Variants in NR4A1 observed in about 807,000 individuals in gnomAD.
NR4A1 encodes nuclear receptor subfamily 4 group A member 1.
In NR4A1, 24 loss-of-function variants were observed where a neutral mutation model predicts 47.5. The ratio of observed to expected loss-of-function variants is 0.50; its 90% CI spans 0.37 to 0.71. The LOEUF (loss-of-function observed/expected upper bound fraction) is 0.71, where lower values mean the gene tolerates loss of function less well. NR4A1 is among the 30% of genes least tolerant of loss of function. The pLI is 0.00. For synonymous variants in NR4A1, 353 were observed against 345.7 expected, an observed-to-expected ratio of 1.02 and a Z score of -0.24; for missense variants, 669 against 788.6, an observed-to-expected ratio of 0.85 and a Z score of 1.82.
At chr12:52,033,254 C>T (rs1174331997) in intron 1 of NR4A1, among the ~76,000 whole-genome samples, 2 of 152,108 alleles carry the variant, frequency 1.3e-5, no homozygotes, top group African/African-American at 4.8e-5. Context: ...CGGTCGCGGG[C>T]CCCTCAGGGA....
chr12:52,053,597 C>G (rs1257744714), intron 1 of NR4A1: 1 of 121,024 alleles, frequency 8.3e-6, no homozygotes, highest in Admixed American at 7.6e-5. Context: ...TTCCCTTCCT[C>G]TTTGCTTCTG....
chr12:52,038,587 AGTG>A, intron 1 of NR4A1: 1 of 647,646 alleles, frequency 1.5e-6, no homozygotes, highest in East Asian at 2.8e-5. Flanking sequence ...TTGGGGCCCT[AGTG>A]GTGGGGCTAC....
chr12:52,034,121 C>CATA (rs1938188018), intron 1 of NR4A1, among the ~76,000 whole-genome samples: 1 of 152,186 alleles, frequency 6.6e-6, no homozygotes, highest in African/African-American at 2.4e-5. Context: ...CCCTGCCCTG[C>CATA]CGCATACCTA....
At chr12:52,035,264 T>C (rs1389516963) in intron 1 of NR4A1, among the ~76,000 whole-genome samples, 1 of 152,228 alleles carries the variant, frequency 6.6e-6, no homozygotes, top group Non-Finnish European at 1.5e-5. Flanking sequence ...TTCCACATTT[T>C]AGAATATGTT....
intron 1 of NR4A1, among the ~76,000 whole-genome samples, chr12:52,023,383 T>G (rs1162203636): frequency 6.6e-6 from 1 of 151,740 alleles, no homozygotes; most frequent in Non-Finnish European, 1.5e-5. Context: ...GCGAGTGGGG[T>G]GGGAGCGCAG....
At chr12:52,041,678 C>A in intron 1 of NR4A1, 1 of 1,038,914 alleles carries the variant, frequency 9.6e-7, no homozygotes, top group Non-Finnish European at 1.2e-6. Flanking sequence ...GGTCCTTGGG[C>A]GCTGGCTTGT....
chr12:52,045,516 A>G, intron 2 of NR4A1: 1 of 452,914 alleles, frequency 2.2e-6, no homozygotes, highest in Non-Finnish European at 4.4e-6. Flanking sequence ...GGCCCCAGGC[A>G]GTGCTACATT....
At chr12:52,044,427 G>C (rs1938553497) in intron 2 of NR4A1, among the ~76,000 whole-genome samples, 1 of 152,168 alleles carries the variant, frequency 6.6e-6, no homozygotes, top group African/African-American at 2.4e-5. Context: ...GAGAGGTCTG[G>C]CAAGTCCGCC....
intron 1 of NR4A1, among the ~76,000 whole-genome samples, chr12:52,035,824 G>A (rs571112452): frequency 2.4e-4 from 37 of 152,216 alleles, no homozygotes; most frequent in Middle Eastern, 3.4e-3. Context: ...GCAGTGGGGT[G>A]GAGAGAGGAA....
At chr12:52,037,743 C>T (rs1449189278) in intron 1 of NR4A1, 1 of 985,390 alleles carries the variant, frequency 1.0e-6, no homozygotes, top group African/African-American at 1.7e-5. Flanking sequence ...GAACCGGTTC[C>T]AGGAGCGCGG....
At chr12:52,035,222 C>T (rs1017587691) in intron 1 of NR4A1, among the ~76,000 whole-genome samples, 1 of 152,194 alleles carries the variant, frequency 6.6e-6, no homozygotes, top group Admixed American at 6.5e-5. Flanking sequence ...ACGCCGCCTC[C>T]ACATGCCACC....
chr12:52,037,992 T>G, intron 1 of NR4A1: 1 of 984,632 alleles, frequency 1.0e-6, no homozygotes, highest in South Asian at 4.7e-5. Context: ...TTTCCAGACC[T>G]CCTCCATGGT....
chr12:52,057,268 CACTG>C lies in NR4A1; in HGVS notation c.1361+14_1361+17del. 6.2e-7 allele frequency: 1 copy of C among 1,613,378 alleles called. No homozygotes were observed. Among genetic ancestry groups the C allele is most frequent in the Non-Finnish European group, 8.5e-7 (1 of 1,179,702 alleles). On this transcript the variant is annotated intron_variant, in intron 5 of 6. Coordinates refer to ENST00000394825, the MANE Select transcript of NR4A1 (RefSeq NM_173157.3). ...CTCCGCCTGGCGTACAGGTGAGAGC[CACTG>C]ACTGTCTGCCCAGCCCCTTTCCCTG...
chr12:52,028,567 C>T (rs1470110149), intron 1 of NR4A1, among the ~76,000 whole-genome samples: 2 of 151,222 alleles, frequency 1.3e-5, no homozygotes, highest in African/African-American at 4.9e-5. Context: ...AGCAAGACTC[C>T]GTCTCAAACA....
intron 4 of NR4A1, 125 bp from the exon 5 acceptor site, chr12:52,056,932 C>T: frequency 3.1e-6 from 3 of 968,940 alleles, no homozygotes; most frequent in Non-Finnish European, 3.0e-6. Flanking sequence ...AAGTGAGAGC[C>T]TGGGCAGGAT....
chr12:52,042,023 A>C, intron 2 of NR4A1: 37 of 1,049,526 alleles, frequency 3.5e-5, no homozygotes, highest in East Asian at 7.6e-5. Flanking sequence ...GGATGTGGTT[A>C]GGGGGATGGA....
At chr12:52,030,527 C>T (rs146049158) in intron 1 of NR4A1, among the ~76,000 whole-genome samples, 54 of 152,336 alleles carry the variant, frequency 3.5e-4, no homozygotes, top group African/African-American at 1.2e-3. Flanking sequence ...CTCTCAGGTT[C>T]AAGTGGTTCT....
chr12:52,023,752 T>C (rs1182956797), intron 1 of NR4A1, among the ~76,000 whole-genome samples: 7 of 151,816 alleles, frequency 4.6e-5, no homozygotes, highest in Non-Finnish European at 8.8e-5. Flanking sequence ...CTCATCCCCA[T>C]GGCCTCGAAC....
Position 52,057,098 on chromosome 12 carries a change from T to C in NR4A1, c.1200T>C (p.Ala400=). The C allele has an allele frequency of 6.2e-7, 1 of 1,612,070 alleles. No individual in the cohort carries two copies. The highest frequency in any genetic ancestry group is 1.3e-5 in the African/African-American group (1 of 75,008). Residue 400 remains alanine (A), a synonymous_variant, in exon 5 of 7, where the codon GCT becomes GCC. Transcript: ENST00000394825. ...TGCCCCACTTTGGGAAGGAAGATGC[T>C]GGGGATGTACAGCAGTTCTACGACC... ...LVLPHFGKED[A]GDVQQFYDLL...
Sources: gnomAD v4.1 joint callset for allele counts (sites outside exome capture counted in the v4.1 genomes callset) on GRCh38, gnomAD v4.1.1 for gene constraint, MANE v1.5 for transcripts, NCBI Gene and HGNC (gene_info 2026-07-23, HGNC 2026-07-21) for gene names.